GSAP: variants seen among roughly 807,000 people sequenced by gnomAD.
GSAP encodes gamma-secretase-activating protein.
A neutral mutation model predicts 131.7 loss-of-function variants in GSAP; 118 were observed. The ratio of observed to expected loss-of-function variants is 0.90; its 90% CI spans 0.77 to 1.04. GSAP has a LOEUF of 1.04. Ranked by LOEUF, GSAP falls within the 50% of genes least tolerant of loss-of-function variation. GSAP has a pLI of 0.00. For synonymous variants in GSAP, 381 were observed against 363.4 expected, an observed-to-expected ratio of 1.05 and a Z score of -0.55; for missense variants, 1,019 against 1,013.2, an observed-to-expected ratio of 1.01 and a Z score of -0.08.
Position 77,311,477 on chromosome 7 carries a change from A to G in GSAP, c.2474-28T>C, listed in dbSNP as rs531113787. 7.5e-6 allele frequency: 9 copies of G among 1,192,264 alleles called. No individual in the cohort carries two copies. The East Asian group carries it at 1.4e-4, about 19-fold the overall frequency. 73.9% of individuals were successfully genotyped at this position (1,192,264 alleles called of 1,614,324 possible). On this transcript the variant is annotated intron_variant, in intron 30 of 30. Transcript: ENST00000257626. The stretch of plus-strand genomic sequence containing the variant: ...GGAAAAAAATGGGGAGAGGGCAGGG[A>G]AAAAGGGTTACCATGGGTCCGTGAA...
intron 21 of GSAP, 62 bp from the exon 22 acceptor site, chr7:77,328,699 A>G (rs1449387486): frequency 1.0e-6 from 1 of 987,502 alleles, no homozygotes; most frequent in East Asian, 2.4e-5. Flanking sequence ...TTAAAGCCAC[A>G]TCATACAAAG....
Position 77,377,400 on chromosome 7 carries a change from C to CAAAAAAA in GSAP, c.577-17_577-11dup, listed in dbSNP as rs56314229. 5.8e-5 allele frequency: 69 copies of CAAAAAAA among 1,184,546 alleles called. No individual in the cohort carries two copies. Among genetic ancestry groups the CAAAAAAA allele is most frequent in the Middle Eastern group, 3.1e-4 (1 of 3,222 alleles). The allele number at this position is 1,184,546 out of a possible 1,614,324, so 73.4% of individuals were successfully genotyped here. On this transcript the variant is annotated splice_polypyrimidine_tract_variant and intron_variant, in intron 8 of 30. Coordinates refer to ENST00000257626, the MANE Select transcript of GSAP (RefSeq NM_017439.4). Reference sequence around the variant, plus strand: ...CAGAATTTTTAATCACCTAAAAATGCAAAAAAAAAAAAAAAAAAAAAAGTA... The same window carrying CAAAAAAA: ...CAGAATTTTTAATCACCTAAAAATGCAAAAAAAAAAAAAAAAAAAAAAAAAAAAAGTA...
At chr7:77,400,141 C>T (rs1801078728) in intron 3 of GSAP, among the ~76,000 whole-genome samples, 1 of 152,154 alleles carries the variant, frequency 6.6e-6, no homozygotes, top group East Asian at 1.9e-4. Flanking sequence ...CCCACCTTTG[C>T]CCAGCTGTTA....
At chr7:77,407,167 A>G (rs1415296093) in intron 1 of GSAP, among the ~76,000 whole-genome samples, 1 of 152,092 alleles carries the variant, frequency 6.6e-6, no homozygotes, top group Non-Finnish European at 1.5e-5. Context: ...GGTCTGAAAA[A>G]TTACACATAA....
chr7:77,346,940 A>AC (rs1381587491), intron 19 of GSAP, among the ~76,000 whole-genome samples: 3 of 70,066 alleles, frequency 4.3e-5, no homozygotes, highest in Non-Finnish European at 6.0e-5. Flanking sequence ...CCCCACCACC[A>AC]CCCCCCGCCC....
intron 22 of GSAP, 150 bp downstream of exon 22, chr7:77,328,456 G>A (rs555032734): frequency 8.7e-6 from 12 of 1,379,128 alleles, no homozygotes; most frequent in East Asian, 8.0e-5. Context: ...AGAGCCGTGC[G>A]GCCACTCTAA....
chr7:77,329,564 C>T (rs1246560778), intron 20 of GSAP, 173 bp from the exon 21 acceptor site: 4 of 396,432 alleles, frequency 1.0e-5, no homozygotes, highest in Non-Finnish European at 1.8e-5. Context: ...TATTCTGAAA[C>T]AATTACAGAT....
At chr7:77,403,651 GAA>G (rs1327218616) in intron 3 of GSAP, among the ~76,000 whole-genome samples, 4 of 152,300 alleles carry the variant, frequency 2.6e-5, no homozygotes, top group African/African-American at 9.6e-5. Flanking sequence ...AGCAGAAGCA[GAA>G]AGAGTCAGAG....
intron 9 of GSAP, 28 bp downstream of exon 9, chr7:77,377,258 A>AAAAAAAAAAAAAAAAAAGGGG: frequency 7.1e-7 from 1 of 1,400,742 alleles, no homozygotes; most frequent in Non-Finnish European, 9.4e-7. Flanking sequence ...AAAAAAAAAA[A>AAAAAAAAAAAAAAAAAAGGGG]GGAGTGCCCG....
In GSAP at chr7:77,334,579, T is replaced by TAAAAA. The variant is rs1200040086; in HGVS notation, c.1546-4213_1546-4212insTTTTT. On this transcript the variant is annotated intron_variant, in intron 19 of 30. Coordinates refer to ENST00000257626, the MANE Select transcript of GSAP (RefSeq NM_017439.4). ...GCCCATGTATCCTGGAACTTAAAAT[T>TAAAAA]TAAAAAAAAAAAAAAAAAAAAAAAA... Among the ~76,000 whole-genome samples the TAAAAA allele has an allele frequency of 4.9e-5, 4 of 82,384 alleles. 1 individual carries two copies. The highest frequency in any genetic ancestry group is 1.5e-4 in the Admixed American group (1 of 6,674). The allele number at this position is 82,384 out of a possible 152,430, so 54.0% of individuals were successfully genotyped here. A position where few individuals can be genotyped will look rare whatever the true frequency, so the allele number is the denominator to read the frequency against.
chr7:77,320,340 G>T (rs1045841424), intron 26 of GSAP, among the ~76,000 whole-genome samples: 1 of 152,158 alleles, frequency 6.6e-6, no homozygotes, highest in Non-Finnish European at 1.5e-5. Context: ...GCCTCCAAGC[G>T]TATAAGAATC....
chr7:77,410,019 T>C (rs941237408), intron 1 of GSAP, among the ~76,000 whole-genome samples: 1 of 152,194 alleles, frequency 6.6e-6, no homozygotes, highest in African/African-American at 2.4e-5. Flanking sequence ...CTGGTGTACA[T>C]GTATGTGTTT....
chr7:77,311,788 C>CT, intron 30 of GSAP, 53 bp downstream of exon 30: 1 of 856,456 alleles, frequency 1.2e-6, no homozygotes, highest in Non-Finnish European at 2.0e-6. Context: ...TAGGGAAGGA[C>CT]TGATGTGTCA....
intron 6 of GSAP, among the ~76,000 whole-genome samples, chr7:77,386,803 G>A (rs1459481616): frequency 1.3e-5 from 2 of 152,190 alleles, no homozygotes; most frequent in Non-Finnish European, 2.9e-5. Flanking sequence ...AACCTCAATT[G>A]CGAATGTGCA....
intron 1 of GSAP, among the ~76,000 whole-genome samples, chr7:77,408,044 A>C (rs1802604917): frequency 6.6e-6 from 1 of 152,206 alleles, no homozygotes; most frequent in South Asian, 2.1e-4. Context: ...GGGCACAACT[A>C]ATGTACAGTG....
chr7:77,398,550 A>G (rs1443863624), intron 3 of GSAP, among the ~76,000 whole-genome samples: 1 of 152,192 alleles, frequency 6.6e-6, no homozygotes, highest in Non-Finnish European at 1.5e-5. Flanking sequence ...TTCAAACACT[A>G]TCAAATAAAA....
intron 3 of GSAP, among the ~76,000 whole-genome samples, chr7:77,398,646 T>C (rs1340394730): frequency 6.6e-6 from 1 of 152,124 alleles, no homozygotes; most frequent in Non-Finnish European, 1.5e-5. Flanking sequence ...GGCATGCCTG[T>C]AGTCCTAGCT....
At position 77,311,299 on chromosome 7, in the gene GSAP, G is replaced by A. The variant is rs1329723467; in HGVS notation, c.*59C>T. The A allele has an allele frequency of 2.1e-6, 2 of 949,574 alleles. No homozygotes were observed. Among genetic ancestry groups the A allele is most frequent in the Non-Finnish European group, 3.4e-6 (2 of 580,964 alleles). 58.8% of individuals were successfully genotyped at this position (949,574 alleles called of 1,614,324 possible). A position where few individuals can be genotyped will look rare whatever the true frequency, so the allele number is the denominator to read the frequency against. On this transcript the variant is annotated 3_prime_UTR_variant, in exon 31 of 31. Coordinates refer to ENST00000257626, the MANE Select transcript of GSAP (RefSeq NM_017439.4). ...AAATATTGTTAAAGAATTCTCAAAGGAGTAAGGTTAATGAGCAAGATTAAA... is the reference window on the plus strand; with the variant it reads ...AAATATTGTTAAAGAATTCTCAAAGAAGTAAGGTTAATGAGCAAGATTAAA...
At chr7:77,340,760 T>C (rs1790793298) in intron 19 of GSAP, among the ~76,000 whole-genome samples, 1 of 152,154 alleles carries the variant, frequency 6.6e-6, no homozygotes, top group African/African-American at 2.4e-5. Context: ...TGGGGATGCC[T>C]GCCTTGGTCA....
Sources: allele counts gnomAD v4.1 joint callset (sites outside exome capture counted in the v4.1 genomes callset), GRCh38; gene constraint gnomAD v4.1.1; transcripts MANE v1.5; gene names NCBI Gene and HGNC (gene_info 2026-07-23, HGNC 2026-07-21).